LRMDA: variants seen among roughly 807,000 people sequenced by gnomAD.
The protein encoded by LRMDA is leucine rich melanocyte differentiation associated.
LRMDA carries 18 observed loss-of-function variants against 29.8 expected under a neutral mutation model. The ratio of observed to expected loss-of-function variants is 0.60; its 90% CI spans 0.42 to 0.90. The LOEUF (loss-of-function observed/expected upper bound fraction) is 0.90, where lower values mean the gene tolerates loss of function less well. Ranked by LOEUF, LRMDA falls within the 40% of genes least tolerant of loss-of-function variation. LRMDA has a pLI of 0.00. For missense variants in LRMDA, 273 were observed against 273.9 expected (o/e 1.00, Z 0.02); for synonymous variants, 125 against 109.4 (o/e 1.14, Z -0.89).
chr10:76,533,565 C>T (rs1589227801), intron 6 of LRMDA, among the ~76,000 whole-genome samples: 1 of 152,210 alleles, frequency 6.6e-6, no homozygotes, highest in East Asian at 1.9e-4. Flanking sequence ...TTAACGGAGG[C>T]TCTTTGGAAG....
At chr10:75,839,196 AAC>A (rs1460832740) in intron 2 of LRMDA, among the ~76,000 whole-genome samples, 1 of 152,222 alleles carries the variant, frequency 6.6e-6, no homozygotes, top group African/African-American at 2.4e-5. Context: ...AATGTGGCTA[AAC>A]ACACATTTGT....
chr10:76,360,853 C>G (rs959677957), intron 6 of LRMDA, among the ~76,000 whole-genome samples: 1 of 152,152 alleles, frequency 6.6e-6, no homozygotes, highest in Non-Finnish European at 1.5e-5. Context: ...AATGCAGATA[C>G]CCCTGGAAGA....
chr10:75,617,937 C>G (rs540376076), intron 2 of LRMDA, among the ~76,000 whole-genome samples: 3 of 152,194 alleles, frequency 2.0e-5, no homozygotes, highest in Admixed American at 6.5e-5. Flanking sequence ...AGGCCTTTGT[C>G]GCCTTGGCTA....
At chr10:76,321,202 T>C (rs1247447199) in intron 5 of LRMDA, among the ~76,000 whole-genome samples, 2 of 152,242 alleles carry the variant, frequency 1.3e-5, no homozygotes, top group East Asian at 3.8e-4. Flanking sequence ...AGAGTATATA[T>C]TTTAAGTGAA....
chr10:75,604,571 A>G (rs898864139), intron 2 of LRMDA, among the ~76,000 whole-genome samples: 4 of 152,180 alleles, frequency 2.6e-5, no homozygotes, highest in African/African-American at 9.7e-5. Context: ...ACACAAGTTT[A>G]TGGTATTGAG....
At chr10:75,565,770 AT>A (rs1840364548) in intron 2 of LRMDA, among the ~76,000 whole-genome samples, 1 of 152,232 alleles carries the variant, frequency 6.6e-6, no homozygotes, top group Admixed American at 6.5e-5. Flanking sequence ...CATTGGGGTC[AT>A]GTATGATTAA....
chr10:76,082,750 C>T (rs1849068420), intron 5 of LRMDA, among the ~76,000 whole-genome samples: 1 of 152,160 alleles, frequency 6.6e-6, no homozygotes, highest in Admixed American at 6.5e-5. Flanking sequence ...GGTAGAGTTA[C>T]AGTAATTCTG....
chr10:75,914,431 A>C (rs1209483381), intron 2 of LRMDA, among the ~76,000 whole-genome samples: 1 of 152,268 alleles, frequency 6.6e-6, no homozygotes, highest in Admixed American at 6.5e-5. Flanking sequence ...GTAAGGATGC[A>C]CTTACACTGC....
At chr10:76,196,522 T>C (rs754390) in intron 5 of LRMDA, among the ~76,000 whole-genome samples, 7,101 of 152,262 alleles carry the variant, frequency 0.047, 524 homozygotes, top group African/African-American at 0.16. Context: ...TCTCTCCCTG[T>C]GCTACTTCCT....
At chr10:76,285,745 G>A (rs1052251788) in intron 5 of LRMDA, among the ~76,000 whole-genome samples, 1 of 152,090 alleles carries the variant, frequency 6.6e-6, no homozygotes. Flanking sequence ...CTAGAGACCT[G>A]GTTTGAAAAT....
chr10:76,504,693 A>G (rs1401038233), intron 6 of LRMDA, among the ~76,000 whole-genome samples: 1 of 151,990 alleles, frequency 6.6e-6, no homozygotes, highest in Non-Finnish European at 1.5e-5. Context: ...TGTGGATGTC[A>G]TTACGTATGA....
intron 6 of LRMDA, among the ~76,000 whole-genome samples, chr10:76,432,729 C>G (rs1360301665): frequency 6.6e-6 from 1 of 152,214 alleles, no homozygotes; most frequent in Non-Finnish European, 1.5e-5. Context: ...ATAGGCTTAT[C>G]ACTGGCTCAT....
At chr10:76,126,386 T>A (rs55779346) in intron 5 of LRMDA, among the ~76,000 whole-genome samples, 2,469 of 152,300 alleles carry the variant, frequency 0.016, 40 homozygotes, top group Non-Finnish European at 0.026. Flanking sequence ...GTTCTGTTTG[T>A]TTTTTCATGA....
intron 2 of LRMDA, among the ~76,000 whole-genome samples, chr10:75,677,051 G>A (rs1436730634): frequency 6.6e-6 from 1 of 152,122 alleles, no homozygotes; most frequent in Non-Finnish European, 1.5e-5. Flanking sequence ...TCAGATTTAT[G>A]AGGAACACCA....
At chr10:76,147,129 A>T (rs1029628825) in intron 5 of LRMDA, among the ~76,000 whole-genome samples, 3 of 151,958 alleles carry the variant, frequency 2.0e-5, no homozygotes, top group African/African-American at 7.3e-5. Context: ...TTTTTCCTTC[A>T]TTTCAACTTT....
At chr10:75,997,122 G>A (rs1329169520) in intron 2 of LRMDA, among the ~76,000 whole-genome samples, 1 of 151,994 alleles carries the variant, frequency 6.6e-6, no homozygotes, top group Non-Finnish European at 1.5e-5. Context: ...TCATAAAGAA[G>A]GAAATTAAGG....
intron 6 of LRMDA, among the ~76,000 whole-genome samples, chr10:76,445,152 C>T (rs540461007): frequency 6.6e-6 from 1 of 152,212 alleles, no homozygotes; most frequent in South Asian, 2.1e-4. Context: ...GAATGCCTAC[C>T]CTTCTCCATG....
chr10:75,517,507 T>C (rs1431740103), intron 2 of LRMDA, among the ~76,000 whole-genome samples: 1 of 152,192 alleles, frequency 6.6e-6, no homozygotes, highest in African/African-American at 2.4e-5. Flanking sequence ...TGTTTGTCTG[T>C]TATTGCTATA....
chr10:76,434,005 C>T (rs1350905618), intron 6 of LRMDA, among the ~76,000 whole-genome samples: 6 of 152,176 alleles, frequency 3.9e-5, no homozygotes, highest in Non-Finnish European at 8.8e-5. Context: ...TTATCCCACT[C>T]CACCTCACCT....
Sources: allele counts gnomAD v4.1 joint callset (sites outside exome capture counted in the v4.1 genomes callset), GRCh38; gene constraint gnomAD v4.1.1; transcripts MANE v1.5; gene names NCBI Gene and HGNC (gene_info 2026-07-23, HGNC 2026-07-21).